Variants in TRPC5 observed in about 807,000 individuals in gnomAD.
TRPC5 encodes short transient receptor potential channel 5.
A neutral mutation model predicts 56.5 loss-of-function variants in TRPC5; 9 were observed. The observed-to-expected ratio is 0.16, with a 90% CI of 0.10 to 0.28. The LOEUF is 0.28. Among genes scored for constraint, TRPC5 ranks in the 10% least tolerant of loss-of-function variants. The pLI is 1.00. For synonymous variants in TRPC5, 282 were observed against 278.5 expected, an observed-to-expected ratio of 1.01 and a Z score of -0.13; for missense variants, 469 against 748.9, an observed-to-expected ratio of 0.63 and a Z score of 4.36.
At chrX:112,076,365 C>G (rs1017448470) in intron 1 of TRPC5, among the ~76,000 whole-genome samples, 1 of 110,873 alleles carries the variant, frequency 9.0e-6, no homozygotes, top group African/African-American at 3.3e-5. Flanking sequence ...ATGAGTACTA[C>G]GTGTATCATA....
intron 2 of TRPC5, among the ~76,000 whole-genome samples, chrX:111,943,142 A>G (rs778086090): frequency 1.8e-5 from 2 of 111,878 alleles, no homozygotes; most frequent in African/African-American, 6.5e-5. Flanking sequence ...CTAGTTACAG[A>G]TGAAGAAATT....
intron 1 of TRPC5, among the ~76,000 whole-genome samples, chrX:111,962,069 C>T (rs1277322544): frequency 4.1e-5 from 4 of 96,550 alleles, no homozygotes; most frequent in Admixed American, 3.1e-4. Context: ...AAATAATAGA[C>T]ACTGGGACTC....
intron 1 of TRPC5, among the ~76,000 whole-genome samples, chrX:111,992,667 A>G (rs1928390944): frequency 9.1e-6 from 1 of 109,438 alleles, no homozygotes; most frequent in African/African-American, 3.3e-5. Flanking sequence ...CAGTGGCACG[A>G]TCTCAGCTCA....
rs1945835261 is a variant in TRPC5 at position 111,770,169 on chromosome X, A to G, written c.*6144T>C. Among the ~76,000 whole-genome samples the G allele has an allele frequency of 8.9e-6, 1 of 112,222 alleles. No homozygotes were observed. The highest frequency in any genetic ancestry group is 3.7e-4 in the South Asian group (1 of 2,709). Reference sequence around the variant, plus strand: ...CAGATACATAATCTGGCTTTTTGCCATAGTGCCCTTCCTTACCTTTCATTT... The same window carrying G: ...CAGATACATAATCTGGCTTTTTGCCGTAGTGCCCTTCCTTACCTTTCATTT... On this transcript the variant is annotated 3_prime_UTR_variant, in exon 11 of 11. Coordinates refer to ENST00000262839, the MANE Select transcript of TRPC5 (RefSeq NM_012471.3).
At chrX:111,886,441 G>T (rs1380170297) in intron 3 of TRPC5, among the ~76,000 whole-genome samples, 1 of 112,154 alleles carries the variant, frequency 8.9e-6, no homozygotes, top group Admixed American at 9.4e-5. Flanking sequence ...GGTAGATTAT[G>T]CTTGCATTGA....
Position 111,817,323 on chromosome X carries a change from ATT to A in TRPC5, c.1896+17596_1896+17597del, listed in dbSNP as rs148024546. Among the ~76,000 whole-genome samples, 425 of 82,880 alleles carry A rather than the reference ATT, an allele frequency of 5.1e-3. 6 individuals are homozygous for A. The highest frequency in any genetic ancestry group is 0.019 in the African/African-American group (392 of 20,792). 72.0% of individuals were successfully genotyped at this position (82,880 alleles called of 115,157 possible). ...ACATTCACATACTTTCTCTTATCTG[ATT>A]TTTTTTTTTTTTTTTTTTTGAGATG... On this transcript the variant is annotated intron_variant, in intron 7 of 10. Coordinates refer to ENST00000262839, the MANE Select transcript of TRPC5 (RefSeq NM_012471.3).
intron 7 of TRPC5, among the ~76,000 whole-genome samples, chrX:111,784,470 A>T (rs1192620588): frequency 9.0e-6 from 1 of 111,650 alleles, no homozygotes; most frequent in East Asian, 2.8e-4. Context: ...ATGGCCAACT[A>T]GGAATAGCTC....
chrX:111,905,375 C>T (rs1338825321), intron 3 of TRPC5, among the ~76,000 whole-genome samples: 1 of 111,417 alleles, frequency 9.0e-6, no homozygotes, highest in Non-Finnish European at 1.9e-5. Flanking sequence ...AACCAACCAA[C>T]CAACCAACAG....
Position 111,873,242 on chromosome X carries a change from C to T in TRPC5, c.901-19136G>A, listed in dbSNP as rs151239167. Reference sequence around the variant, plus strand: ...TGGAGGTAATTCCTAAGCAAACTAACGCAGGAACAGAAAACCAAATACCAC... The same window carrying T: ...TGGAGGTAATTCCTAAGCAAACTAATGCAGGAACAGAAAACCAAATACCAC... On this transcript the variant is annotated intron_variant, in intron 3 of 10. Transcript: ENST00000262839. Among the ~76,000 whole-genome samples, 553 of 111,870 alleles carry T rather than the reference C, an allele frequency of 4.9e-3. 4 individuals carry two copies. Among genetic ancestry groups the T allele is most frequent in the Non-Finnish European group, 6.1e-3 (327 of 53,173 alleles).
At chrX:111,879,945 G>T (rs963427328) in intron 3 of TRPC5, among the ~76,000 whole-genome samples, 1 of 111,181 alleles carries the variant, frequency 9.0e-6, no homozygotes, top group Non-Finnish European at 1.9e-5. Flanking sequence ...ATGGGTAAGT[G>T]ATTCCACTTT....
In TRPC5 at chrX:111,952,421, G is replaced by A; in HGVS notation, c.-1C>T. Reference sequence around the variant, plus strand: ...CCTTTTTGTAGTACAGTTGGGCCATGGTTCATAGCAATGCAGAAATCTGAG... The same window carrying A: ...CCTTTTTGTAGTACAGTTGGGCCATAGTTCATAGCAATGCAGAAATCTGAG... On this transcript the variant is annotated 5_prime_UTR_variant, in exon 2 of 11. Transcript: ENST00000262839. 1.7e-6 allele frequency: 2 copies of A among 1,187,051 alleles called. No homozygotes were observed. The highest frequency in any genetic ancestry group is 1.1e-6 in the Non-Finnish European group (1 of 883,202).
At chrX:111,841,003 G>C (rs1427265729) in intron 6 of TRPC5, among the ~76,000 whole-genome samples, 1 of 111,898 alleles carries the variant, frequency 8.9e-6, no homozygotes, top group African/African-American at 3.2e-5. Flanking sequence ...AGCATCCTGT[G>C]ATAATAGCAT....
intron 6 of TRPC5, among the ~76,000 whole-genome samples, chrX:111,837,931 G>A (rs373620958): frequency 1.3e-4 from 14 of 104,549 alleles, no homozygotes; most frequent in East Asian, 1.2e-3. Flanking sequence ...AAAAAGCCAG[G>A]TATGGTGGCA....
At chrX:111,786,393 C>G (rs1945965098) in intron 7 of TRPC5, among the ~76,000 whole-genome samples, 1 of 111,413 alleles carries the variant, frequency 9.0e-6, no homozygotes, top group South Asian at 3.8e-4. Context: ...CCAGGCCTGC[C>G]TTACAAGAGC....
intron 3 of TRPC5, among the ~76,000 whole-genome samples, chrX:111,859,385 A>T (rs1460365787): frequency 1.8e-5 from 2 of 112,802 alleles, no homozygotes; most frequent in African/African-American, 6.4e-5. Flanking sequence ...TTTTATTAAA[A>T]GACAAATTAT....
chrX:111,903,661 ATCT>A (rs1459504503), intron 3 of TRPC5: 1 of 111,218 alleles, frequency 9.0e-6, no homozygotes, highest in Non-Finnish European at 1.9e-5. Flanking sequence ...CCTTTTCTGT[ATCT>A]TCTTAAGACC....
intron 3 of TRPC5, among the ~76,000 whole-genome samples, chrX:111,906,158 C>T (rs904267365): frequency 1.8e-5 from 2 of 109,114 alleles, no homozygotes; most frequent in African/African-American, 3.3e-5. Context: ...AGTTCCAGAC[C>T]AGCCTGGGCA....
intron 1 of TRPC5, among the ~76,000 whole-genome samples, chrX:111,965,735 A>G (rs1927544340): frequency 8.9e-6 from 1 of 112,200 alleles, no homozygotes; most frequent in Non-Finnish European, 1.9e-5. Flanking sequence ...CTGGGTACAT[A>G]ACGAAATGAA....
chrX:111,935,281 T>C (rs1306814665), intron 2 of TRPC5, among the ~76,000 whole-genome samples: 1 of 112,448 alleles, frequency 8.9e-6, no homozygotes, highest in Non-Finnish European at 1.9e-5. Context: ...GAGAAATGTC[T>C]TTGTAGATCT....
Sources: allele counts gnomAD v4.1 joint callset (sites outside exome capture counted in the v4.1 genomes callset), GRCh38; gene constraint gnomAD v4.1.1; transcripts MANE v1.5; gene names NCBI Gene and HGNC (gene_info 2026-07-23, HGNC 2026-07-21).